PEAK1: variants seen among roughly 807,000 people sequenced by gnomAD.
PEAK1 encodes the protein inactive tyrosine-protein kinase PEAK1.
In PEAK1, 54 loss-of-function variants were observed where a neutral mutation model predicts 124.7. The ratio of observed to expected loss-of-function variants is 0.43; its 90% CI spans 0.35 to 0.54. The LOEUF is 0.54. Among genes scored for constraint, PEAK1 ranks in the 20% least tolerant of loss-of-function variants. PEAK1 has a pLI of 0.01. For missense variants in PEAK1, 2,046 were observed against 2,134.5 expected, an observed-to-expected ratio of 0.96 and a Z score of 0.82; for synonymous variants, 719 against 760.0, an observed-to-expected ratio of 0.95 and a Z score of 0.89.
intron 3 of PEAK1, among the ~76,000 whole-genome samples, chr15:77,285,734 T>C (rs894745457): frequency 3.9e-5 from 6 of 152,182 alleles, no homozygotes; most frequent in African/African-American, 1.4e-4. Context: ...TTATTGCATC[T>C]ATTTGATTCT....
intron 1 of PEAK1, among the ~76,000 whole-genome samples, chr15:77,379,504 G>GTA (rs2069302301): frequency 6.6e-6 from 1 of 152,104 alleles, no homozygotes; most frequent in African/African-American, 2.4e-5. Flanking sequence ...GGGAAGAACG[G>GTA]TATACATGGA....
intron 6 of PEAK1, among the ~76,000 whole-genome samples, chr15:77,234,518 A>G (rs749777771): frequency 6.6e-6 from 1 of 152,222 alleles, no homozygotes; most frequent in Non-Finnish European, 1.5e-5. Context: ...AGCACAAAAT[A>G]GTAAAAGGAA....
At chr15:77,213,930 A>G (rs903456072) in intron 6 of PEAK1, among the ~76,000 whole-genome samples, 2 of 152,138 alleles carry the variant, frequency 1.3e-5, no homozygotes, top group African/African-American at 4.8e-5. Flanking sequence ...TTTGCACTTG[A>G]TCCCTTCTCC....
chr15:77,126,334 T>C (rs2052370065), intron 9 of PEAK1, among the ~76,000 whole-genome samples: 1 of 152,160 alleles, frequency 6.6e-6, no homozygotes, highest in South Asian at 2.1e-4. Flanking sequence ...ATTATATTGG[T>C]TCCTTAATAT....
intron 1 of PEAK1, chr15:77,381,144 A>C: frequency 4.7e-6 from 4 of 857,428 alleles, no homozygotes; most frequent in Non-Finnish European, 5.6e-6. Context: ...ATGGAGTAAC[A>C]TGCTAAAAAT....
In PEAK1 at chr15:77,133,158, A is replaced by G. The variant is rs184477474; in HGVS notation, c.3924T>C (p.Leu1308=). Residue 1308 remains leucine (L), a synonymous_variant, in exon 9 of 10, where the codon CTT becomes CTC. Transcript: ENST00000682557. The surrounding 1 kb of genome is among the most constrained non-coding windows in gnomAD (Gnocchi z 4.2). ...LKKLAVKCED[L]FMAGQKDQLR... The stretch of plus-strand genomic sequence containing the variant: ...GCTGGTCTTTCTGCCCAGCCATGAA[A>G]AGGTCTTCGCATTTAACAGCCAGTT... 1.7e-3 allele frequency: 2,691 copies of G among 1,614,192 alleles called. No homozygotes were observed. The highest frequency in any genetic ancestry group is 2.0e-3 in the Admixed American group (122 of 60,024).
At chr15:77,266,247 T>G (rs140093411) in intron 5 of PEAK1, among the ~76,000 whole-genome samples, 1,775 of 151,768 alleles carry the variant, frequency 0.012, 44 homozygotes, top group African/African-American at 0.041. Context: ...AAAGTTAAAG[T>G]ATAATAATAA....
chr15:77,410,272 T>C (rs746907420), intron 1 of PEAK1, among the ~76,000 whole-genome samples: 5 of 152,024 alleles, frequency 3.3e-5, no homozygotes, highest in Non-Finnish European at 7.4e-5. Context: ...ATTACAGGCA[T>C]GCGCCACCAC....
chr15:77,207,749 G>T (rs2058729101), intron 6 of PEAK1, among the ~76,000 whole-genome samples: 1 of 152,102 alleles, frequency 6.6e-6, no homozygotes, highest in South Asian at 2.1e-4. Flanking sequence ...TACTATAATG[G>T]TGGATACATT....
At position 77,120,102 on chromosome 15, in the gene PEAK1, G is replaced by A. The variant is rs550976244; in HGVS notation, c.4078-4783C>T. 7.2e-5 allele frequency among the ~76,000 whole-genome samples: 11 copies of A among 152,260 alleles called. No individual in the cohort carries two copies. The East Asian group carries it at 1.5e-3, about 21-fold the overall frequency. ...GATATGACTATGGAATTAATCTGTC[G>A]TTGAATGGCATGGTGTTACTCATTC... On this transcript the variant is annotated intron_variant, in intron 9 of 9. Coordinates refer to ENST00000682557, the MANE Select transcript of PEAK1 (RefSeq NM_001385026.1).
intron 9 of PEAK1, among the ~76,000 whole-genome samples, chr15:77,117,078 T>C (rs2051454108): frequency 6.6e-6 from 1 of 152,214 alleles, no homozygotes; most frequent in Non-Finnish European, 1.5e-5. Flanking sequence ...TGTATAGGAG[T>C]TGGATCCAGC....
At chr15:77,282,227 A>G (rs1383067188) in intron 5 of PEAK1, among the ~76,000 whole-genome samples, 1 of 151,920 alleles carries the variant, frequency 6.6e-6, no homozygotes, top group East Asian at 1.9e-4. Flanking sequence ...TTTACTGAAT[A>G]TGACATCAAA....
intron 2 of PEAK1, among the ~76,000 whole-genome samples, chr15:77,319,533 G>A (rs1228162192): frequency 6.6e-6 from 1 of 152,196 alleles, no homozygotes; most frequent in African/African-American, 2.4e-5. Context: ...GATTCTAGGA[G>A]TAGCTTGTGA....
intron 9 of PEAK1, among the ~76,000 whole-genome samples, 154 bp downstream of exon 9, chr15:77,132,851 G>C (rs890672084): frequency 6.6e-6 from 1 of 151,508 alleles, no homozygotes; most frequent in African/African-American, 2.4e-5. Flanking sequence ...TAATAAATAA[G>C]CCCCCTGCTT....
intron 6 of PEAK1, chr15:77,205,241 T>TC: frequency 1.0e-5 from 1 of 99,444 alleles, no homozygotes. Context: ...TCCCATCTCA[T>TC]CCCATTTTTT....
intron 6 of PEAK1, among the ~76,000 whole-genome samples, chr15:77,241,387 G>A (rs911199732): frequency 1.3e-5 from 2 of 152,092 alleles, no homozygotes; most frequent in Non-Finnish European, 2.9e-5. Context: ...ATTTAATAGT[G>A]AGACTGACTG....
intron 2 of PEAK1, among the ~76,000 whole-genome samples, chr15:77,291,504 C>T (rs1036717403): frequency 6.6e-6 from 1 of 152,150 alleles, no homozygotes. Flanking sequence ...CAATATGATG[C>T]TGACAACCAC....
At chr15:77,334,479 G>A in intron 2 of PEAK1, 1 of 985,264 alleles carries the variant, frequency 1.0e-6, no homozygotes, top group Non-Finnish European at 1.2e-6. Context: ...GATTTAGTCA[G>A]ATTTATTCAG....
intron 2 of PEAK1, among the ~76,000 whole-genome samples, chr15:77,340,560 A>G (rs1199996132): frequency 1.3e-5 from 2 of 152,212 alleles, no homozygotes; most frequent in Non-Finnish European, 2.9e-5. Context: ...GTAATCGCAG[A>G]TAGATGCTAT....
Sources: gnomAD v4.1 joint callset for allele counts (sites outside exome capture counted in the v4.1 genomes callset) on GRCh38, gnomAD v4.1.1 for gene constraint, Gnocchi (gnomAD v3.1) non-coding constraint, MANE v1.5 for transcripts, NCBI Gene and HGNC (gene_info 2026-07-23, HGNC 2026-07-21) for gene names.